Variants in LRP10 observed in about 807,000 individuals in gnomAD.
The protein encoded by LRP10 is LDL receptor related protein 10, also known as low-density lipoprotein receptor-related protein 10.
LRP10 carries 42 observed loss-of-function variants against 58.5 expected under a neutral mutation model. That is an observed-to-expected ratio of 0.72 (90% CI 0.56 to 0.93). The LOEUF (loss-of-function observed/expected upper bound fraction) is 0.93, where lower values mean the gene tolerates loss of function less well. Among genes scored for constraint, LRP10 ranks in the 40% least tolerant of loss-of-function variants. LRP10 has a pLI of 0.00. For synonymous variants in LRP10, 377 were observed against 388.5 expected, an observed-to-expected ratio of 0.97 and a Z score of 0.35; for missense variants, 872 against 940.1, an observed-to-expected ratio of 0.93 and a Z score of 0.95.
rs1199751808 is a variant in LRP10, at chr14:22,877,197, A to G, written c.1812A>G (p.Ala604=). 1.9e-6 allele frequency: 3 copies of G among 1,599,150 alleles called. No homozygotes were observed. The Admixed American group carries it at 5.2e-5, about 28-fold the overall frequency. The part of the protein sequence containing the change: ...GGTGPAREGG[A]VGGQDGEQAP... ...CAGGTCCAGCCCGTGAGGGCGGGGC[A>G]GTGGGTGGGCAAGATGGGGAGCAGG... The change falls in exon 7 of 7, where the codon GCA becomes GCG. Residue 604 remains alanine, a synonymous_variant. Transcript: ENST00000359591. The surrounding 1 kb of genome is among the most constrained non-coding windows in gnomAD (Gnocchi z 5.1).
Position 22,876,059 on chromosome 14 carries a change from G to C in LRP10, c.1111G>C (p.Ala371Pro), listed in dbSNP as rs1275452542. The change falls in exon 5 of 7, where the codon GCC (alanine) becomes CCC (proline). Residue 371 changes from alanine to proline, a missense_variant. Physicochemically the swap from Ala to Pro is conservative, Grantham distance 27. Transcript: ENST00000359591. ...CTGTGGGGCTGCTGGCACCTCTGGT[G>C]CCACAGCCTGCTACCTGCCTGCTGA... ...FPCGAAGTSGATACYLPADRC... is the reference protein window; with the variant it reads ...FPCGAAGTSGPTACYLPADRC... 1 of 1,613,346 alleles carries C rather than the reference G, an allele frequency of 6.2e-7. No individual in the cohort carries two copies. The highest frequency in any genetic ancestry group is 8.5e-7 in the Non-Finnish European group (1 of 1,179,798).
chr14:22,873,497 C>A, intron 3 of LRP10, 51 bp downstream of exon 3: 1 of 1,588,254 alleles, frequency 6.3e-7, no homozygotes, highest in Non-Finnish European at 8.6e-7. Flanking sequence ...TGCCCCTTCC[C>A]CTCCATTGGA....
intron 6 of LRP10, 43 bp downstream of exon 6, chr14:22,876,861 C>T (rs2040012375): frequency 6.2e-7 from 1 of 1,606,292 alleles, no homozygotes; most frequent in African/African-American, 1.3e-5. Context: ...GGTCCCAGTT[C>T]TGCTGTGGCC....
At chr14:22,872,661 C>G in intron 1 of LRP10, 77 bp from the exon 2 acceptor site, 1 of 1,456,952 alleles carries the variant, frequency 6.9e-7, no homozygotes, top group Non-Finnish European at 9.6e-7. Flanking sequence ...CCGGATGGCT[C>G]CCTTGAGTTG....
chr14:22,873,987 C>T (rs948513998), intron 3 of LRP10, among the ~76,000 whole-genome samples: 6 of 152,186 alleles, frequency 3.9e-5, no homozygotes, highest in Non-Finnish European at 4.4e-5. Flanking sequence ...TTGAGTCCTG[C>T]GCATCTCCAA....
rs867533372 is a variant in LRP10 at position 22,875,607 on chromosome 14, G to A, written c.659G>A (p.Cys220Tyr). 33 of 1,614,026 alleles carry A rather than the reference G, an allele frequency of 2.0e-5. No homozygotes were observed. Among genetic ancestry groups the A allele is most frequent in the Non-Finnish European group, 2.7e-5 (32 of 1,180,054 alleles). ...HLASVSHPQS[C>Y]HWLLDPHDGR... is the part of the protein sequence containing the mutation. ...GCCTCAGTCTCCCACCCCCAGTCCT[G>A]CCATTGGCTGCTGGACCCCCATGAT... Residue 220 changes from cysteine to tyrosine, a missense_variant, in exon 5 of 7, where the codon TGC becomes TAC. Cys to Tyr is a radical substitution (Grantham distance 194). Transcript: ENST00000359591.
rs1435519693 is a variant in LRP10, at chr14:22,877,664, GT to G, written c.*139del. 5 of 640,444 alleles carry G rather than the reference GT, an allele frequency of 7.8e-6. No homozygotes were observed. In the African/African-American group the frequency reaches 9.2e-5, roughly 12 times the overall value. 39.7% of individuals were successfully genotyped at this position (640,444 alleles called of 1,614,324 possible). A position where few individuals can be genotyped will look rare whatever the true frequency, so the allele number is the denominator to read the frequency against. On this transcript the variant is annotated 3_prime_UTR_variant, in exon 7 of 7. Coordinates refer to ENST00000359591, the MANE Select transcript of LRP10 (RefSeq NM_014045.5). This position sits in a 1 kb window ranked among gnomAD's most constrained non-coding sequence, Gnocchi z 5.1. Reference sequence around the variant, plus strand: ...ATTTCAGGGACTTGGTGGGCCTCCCGTTGACCCTATGTAGCTGCTATAAAGT... The same window carrying G: ...ATTTCAGGGACTTGGTGGGCCTCCCGTGACCCTATGTAGCTGCTATAAAGT...
rs374783279 is a variant in LRP10, at chr14:22,872,758, G to T, written c.55G>T (p.Asp19Tyr). The change falls in exon 2 of 7, where the codon GAC (aspartate) becomes TAC (tyrosine). Residue 19 changes from aspartate (D) to tyrosine (Y), a missense_variant. By Grantham distance (160) the Asp-to-Tyr change is radical. Transcript: ENST00000359591. ...TCTAGGAGGCGCTCTGGCCCATCCAGACCGGATTATTTTTCCAAATCATGG... is the reference window on the plus strand; with the variant it reads ...TCTAGGAGGCGCTCTGGCCCATCCATACCGGATTATTTTTCCAAATCATGG... ...LLLGGALAHP[D>Y]RIIFPNHACE... 2.0e-5 allele frequency: 32 copies of T among 1,614,036 alleles called. No individual in the cohort carries two copies. The highest frequency in any genetic ancestry group is 2.6e-5 in the Non-Finnish European group (31 of 1,180,030).
At position 22,877,058 on chromosome 14, in the gene LRP10, G is replaced by A. The variant is rs1333225623; in HGVS notation, c.1673G>A (p.Arg558His). 12 of 1,613,730 alleles carry A rather than the reference G, an allele frequency of 7.4e-6. No homozygotes were observed. Among genetic ancestry groups the A allele is most frequent in the Non-Finnish European group, 9.3e-6 (11 of 1,179,862 alleles). Reference protein sequence around the residue: ...QRGRLMRRLVRRLRRWGLLPR... With the variant: ...QRGRLMRRLVHRLRRWGLLPR... ...GGCCGCTTGATGCGACGCCTGGTAC[G>A]CCGTCTCCGCCGCTGGGGCTTGCTC... Residue 558 changes from arginine to histidine, a missense_variant, in exon 7 of 7, where the codon CGC becomes CAC. Physicochemically the swap from Arg to His is conservative, Grantham distance 29 (BLOSUM62 0). Transcript: ENST00000359591. The surrounding 1 kb of genome is among the most constrained non-coding windows in gnomAD (Gnocchi z 5.1).
At position 22,878,847 on chromosome 14, in the gene LRP10, C is replaced by G; in HGVS notation, c.*1320C>G. On this transcript the variant is annotated 3_prime_UTR_variant, in exon 7 of 7. Coordinates refer to ENST00000359591, the MANE Select transcript of LRP10 (RefSeq NM_014045.5). ...GGGGTGGGTGATGGAGGGAATGATT[C>G]GCAAGCAGTGTTGGAACCCAGCCCC... 1 of 231,872 alleles carries G rather than the reference C, an allele frequency of 4.3e-6. No homozygotes were observed. The allele number at this position is 231,872 out of a possible 1,614,324, so 14.4% of individuals were successfully genotyped here.
rs779689748 is a variant in LRP10, at chr14:22,877,412, CT to C, written c.2028del (p.Gly677AspfsTer27). The stretch of plus-strand genomic sequence containing the variant: ...CCCCCAGGACCAACCCGGAGCCCCC[CT>C]GGACCCCACACAGCAGTCCTGGCCC... The part of the protein sequence containing the change: ...LGPPGPTRSP[P>X]GPHTAVLALE... On this transcript the variant is annotated frameshift_variant, in exon 7 of 7. Transcript: ENST00000359591. LOFTEE classifies it high-confidence loss of function. This position sits in a 1 kb window ranked among gnomAD's most constrained non-coding sequence, Gnocchi z 5.1. 1.2e-6 allele frequency: 2 copies of C among 1,613,868 alleles called. No homozygotes were observed. Among genetic ancestry groups the C allele is most frequent in the Non-Finnish European group, 1.7e-6 (2 of 1,179,928 alleles).
In LRP10 at chr14:22,872,835, C is replaced by G. The variant is rs908416235; in HGVS notation, c.79+53C>G. The G allele has an allele frequency of 3.9e-6, 6 of 1,557,704 alleles. No individual in the cohort carries two copies. In the Admixed American group the frequency reaches 1.0e-4, roughly 26 times the overall value. On this transcript the variant is annotated intron_variant, in intron 2 of 6. Coordinates refer to ENST00000359591, the MANE Select transcript of LRP10 (RefSeq NM_014045.5). ...GTGGGCTTGGGAATGAGGGAGCAGT[C>G]GAGAAGGACTCTCTGTTCCCTGAAT...
chr14:22,872,404 G>C, intron 1 of LRP10, 67 bp downstream of exon 1: 1 of 1,586,422 alleles, frequency 6.3e-7, no homozygotes, highest in Non-Finnish European at 8.7e-7. Flanking sequence ...ACTCCCTCCA[G>C]TGCGGCCCCG....
chr14:22,879,165 C>G lies in LRP10; in HGVS notation c.*1638C>G, dbSNP rs771518256. The stretch of plus-strand genomic sequence containing the variant: ...TTACACCCTGTCAGCCTCCTCAAAC[C>G]CAGCACTAATTGCACAATTTTCCTC... On this transcript the variant is annotated 3_prime_UTR_variant, in exon 7 of 7. Coordinates refer to ENST00000359591, the MANE Select transcript of LRP10 (RefSeq NM_014045.5). 8.8e-6 allele frequency: 4 copies of G among 456,514 alleles called. No individual in the cohort carries two copies. Among genetic ancestry groups the G allele is most frequent in the Admixed American group, 2.3e-5 (1 of 42,564 alleles). The allele number at this position is 456,514 out of a possible 1,614,324, so 28.3% of individuals were successfully genotyped here. A position where few individuals can be genotyped will look rare whatever the true frequency, so the allele number is the denominator to read the frequency against.
rs1222421071 is a variant in LRP10, at chr14:22,876,202, C to T, written c.1254C>T (p.Cys418=). The change falls in exon 5 of 7, where the codon TGC becomes TGT. Residue 418 remains cysteine, a synonymous_variant. Transcript: ENST00000359591. ...DEKCVYETWV[C]DGQPDCADGS... is the part of the protein sequence containing the mutation. ...AGTGCGTGTATGAGACGTGGGTGTG[C>T]GATGGGCAGCCAGACTGTGCGGACG... 1.1e-5 allele frequency: 17 copies of T among 1,614,158 alleles called. No homozygotes were observed. The highest frequency in any genetic ancestry group is 1.6e-4 in the Middle Eastern group (1 of 6,062).
chr14:22,872,013 G>A lies in LRP10; in HGVS notation c.-291G>A. 2 of 542,382 alleles carry A rather than the reference G, an allele frequency of 3.7e-6. No homozygotes were observed. The highest frequency in any genetic ancestry group is 6.5e-6 in the Non-Finnish European group (2 of 305,474). 33.6% of individuals were successfully genotyped at this position (542,382 alleles called of 1,614,324 possible). A position where few individuals can be genotyped will look rare whatever the true frequency, so the allele number is the denominator to read the frequency against. ...CTGCGGGCGGGCTGTAGGCGAGGGC[G>A]CGCCCCAGTGCCGAGACCCGGGGCT... On this transcript the variant is annotated 5_prime_UTR_variant, in exon 1 of 7. Coordinates refer to ENST00000359591, the MANE Select transcript of LRP10 (RefSeq NM_014045.5).
Position 22,875,621 on chromosome 14 carries a change from G to A in LRP10, c.673G>A (p.Asp225Asn). The A allele has an allele frequency of 4.3e-6, 7 of 1,614,156 alleles. No individual in the cohort carries two copies. The South Asian group carries it at 4.4e-5, about 10-fold the overall frequency. ...SHPQSCHWLL[D>N]PHDGRRLAVR... ...CCCCCAGTCCTGCCATTGGCTGCTG[G>A]ACCCCCATGATGGCCGGCGGCTGGC... is the stretch of plus-strand genomic sequence containing the variant. Residue 225 changes from aspartate (D) to asparagine (N), a missense_variant, in exon 5 of 7, where the codon GAC becomes AAC. Asp to Asn is a conservative substitution (Grantham distance 23). Transcript: ENST00000359591.
chr14:22,876,681 C>G lies in LRP10; in HGVS notation c.1425-8C>G, dbSNP rs1270807341. On this transcript the variant is annotated splice_region_variant and splice_polypyrimidine_tract_variant and intron_variant, in intron 5 of 6. Coordinates refer to ENST00000359591, the MANE Select transcript of LRP10 (RefSeq NM_014045.5). The stretch of plus-strand genomic sequence containing the variant: ...TACCAGTGACTGAGCAGTCCTCATT[C>G]CTTCTAGCATCTTTGCCCCCCTCTC... The G allele has an allele frequency of 6.2e-7, 1 of 1,612,544 alleles. No homozygotes were observed. The highest frequency in any genetic ancestry group is 1.3e-5 in the African/African-American group (1 of 74,896).
chr14:22,872,557 A>G (rs928321212), intron 1 of LRP10, among the ~76,000 whole-genome samples, 181 bp from the exon 2 acceptor site: 4 of 144,022 alleles, frequency 2.8e-5, no homozygotes, highest in African/African-American at 1.0e-4. Context: ...CCAACCCCAC[A>G]AGGCCCTGCT....
Sources: allele counts gnomAD v4.1 joint callset (sites outside exome capture counted in the v4.1 genomes callset), GRCh38; gene constraint gnomAD v4.1.1; non-coding constraint Gnocchi (gnomAD v3.1); transcripts MANE v1.5; gene names NCBI Gene and HGNC (gene_info 2026-07-23, HGNC 2026-07-21).